The following TRIM36 variants were observed in gnomAD, a reference collection of about 807,000 sequenced individuals.
TRIM36 encodes the protein tripartite motif containing 36.
TRIM36 carries 42 observed loss-of-function variants against 72.4 expected under a neutral mutation model. That is an observed-to-expected ratio of 0.58 (90% confidence interval 0.45 to 0.75). The LOEUF (loss-of-function observed/expected upper bound fraction) is 0.75. Among genes scored for constraint, TRIM36 ranks in the 30% least tolerant of loss-of-function variants. The pLI is 0.00. For missense variants in TRIM36, 913 were observed against 857.1 expected (o/e 1.07, Z -0.81); for synonymous variants, 315 against 282.8 (o/e 1.11, Z -1.14).
chr5:115,170,765 G>A (rs1237571656), upstream of TRIM36, among the ~76,000 whole-genome samples: 1 of 152,206 alleles, frequency 6.6e-6, no homozygotes, highest in Non-Finnish European at 1.5e-5. Flanking sequence ...GCAAGGGAGA[G>A]ACCCCCCGCC....
intron 3 of TRIM36, among the ~76,000 whole-genome samples, chr5:115,146,519 T>C (rs946652939): frequency 4.6e-5 from 7 of 152,150 alleles, no homozygotes; most frequent in Admixed American, 1.3e-4. Context: ...TTGAGCAATA[T>C]TAAAGAAATT....
At chr5:115,154,346 C>T (rs534777641) in intron 2 of TRIM36, among the ~76,000 whole-genome samples, 140 of 150,596 alleles carry the variant, frequency 9.3e-4, no homozygotes, top group African/African-American at 3.2e-3. Flanking sequence ...CAGAGCAGAA[C>T]TAAATGAAAT....
At chr5:115,142,210 G>T (rs1283180704) in intron 4 of TRIM36, among the ~76,000 whole-genome samples, 1 of 152,152 alleles carries the variant, frequency 6.6e-6, no homozygotes, top group Middle Eastern at 3.4e-3. Context: ...GACTTGAAAC[G>T]AAAAGGGTGC....
chr5:115,151,581 A>G (rs1481682917), intron 2 of TRIM36, among the ~76,000 whole-genome samples: 3 of 152,226 alleles, frequency 2.0e-5, no homozygotes, highest in African/African-American at 7.2e-5. Context: ...ACCAGCACAA[A>G]AATAGTGCAT....
Position 115,134,123 on chromosome 5 carries a change from T to C in TRIM36, c.1235A>G (p.Glu412Gly). The change falls in exon 8 of 10, where the codon GAG becomes GGG. Residue 412 changes from glutamate to glycine, a missense_variant. By Grantham distance (98) the Glu-to-Gly change is moderately conservative. Transcript: ENST00000513154. Reference protein sequence around the residue: ...SSGIDVPEINEEQSKVYNNAL... With the variant: ...SSGIDVPEINGEQSKVYNNAL... ...ATTGTTATAAACTTTGCTCTGTTCCTCATTGATCTCTGGCACGTCTATGCC... is the reference window on the plus strand; with the variant it reads ...ATTGTTATAAACTTTGCTCTGTTCCCCATTGATCTCTGGCACGTCTATGCC... The C allele has an allele frequency of 6.3e-7, 1 of 1,599,834 alleles. No homozygotes were observed. Among genetic ancestry groups the C allele is most frequent in the South Asian group, 1.1e-5 (1 of 88,742 alleles).
Position 115,130,840 on chromosome 5 carries a change from G to A in TRIM36, c.1548C>T (p.Leu516=), listed in dbSNP as rs1752636343. Residue 516 remains leucine, a synonymous_variant, in exon 9 of 10, where the codon CTC becomes CTT. Transcript: ENST00000513154. ...CACGGTCTCTCTTCAAGTTCAGCAG[G>A]AGGTGTTCATTATTATAGCCACATT... The part of the protein sequence containing the change: ...DEKCGYNNEH[L]LLNLKRDRVE... 7 of 1,613,872 alleles carry A rather than the reference G, an allele frequency of 4.3e-6. No individual in the cohort carries two copies. Among genetic ancestry groups the A allele is most frequent in the Non-Finnish European group, 5.1e-6 (6 of 1,179,930 alleles).
chr5:115,129,500 G>A (rs1470118245), intron 9 of TRIM36, among the ~76,000 whole-genome samples: 1 of 152,176 alleles, frequency 6.6e-6, no homozygotes, highest in East Asian at 1.9e-4. Flanking sequence ...AGAGGTTGCG[G>A]TGAGCCAAGA....
Position 115,125,617 on chromosome 5 carries a change from T to C in TRIM36, c.*886A>G, listed in dbSNP as rs559407888. On this transcript the variant is annotated 3_prime_UTR_variant, in exon 10 of 10. Transcript: ENST00000513154. ...CAAAAATGAAAATCACAAAACACAGTAAGGGGGTAAAAGAATAAATATGAC... is the reference window on the plus strand; with the variant it reads ...CAAAAATGAAAATCACAAAACACAGCAAGGGGGTAAAAGAATAAATATGAC... 2.0e-5 allele frequency: 3 copies of C among 151,974 alleles called. No individual in the cohort carries two copies. Among genetic ancestry groups the C allele is most frequent in the Non-Finnish European group, 2.9e-5 (2 of 67,870 alleles). The allele number at this position is 151,974 out of a possible 1,614,324, so 9.4% of individuals were successfully genotyped here.
upstream of TRIM36, among the ~76,000 whole-genome samples, chr5:115,172,195 T>C (rs1033396598): frequency 1.3e-5 from 2 of 152,186 alleles, no homozygotes; most frequent in Admixed American, 6.5e-5. Flanking sequence ...TTTTGTGATA[T>C]CGTATGTTGG....
At chr5:115,159,221 C>G (rs1754346059) in intron 2 of TRIM36, among the ~76,000 whole-genome samples, 1 of 152,082 alleles carries the variant, frequency 6.6e-6, no homozygotes, top group Admixed American at 6.5e-5. Context: ...GCAAAGATAT[C>G]ATTAAATAGA....
intron 8 of TRIM36, among the ~76,000 whole-genome samples, chr5:115,131,725 T>C (rs886521568): frequency 6.6e-6 from 1 of 152,174 alleles, no homozygotes; most frequent in Non-Finnish European, 1.5e-5. Flanking sequence ...ACATGCTACA[T>C]GTATGGATAA....
chr5:115,174,917 T>G (rs575434190), intron 1 of TRIM36, among the ~76,000 whole-genome samples: 1 of 152,250 alleles, frequency 6.6e-6, no homozygotes, highest in South Asian at 2.1e-4. Flanking sequence ...TAATGATGAG[T>G]GTATTAGCTG....
Position 115,154,661 on chromosome 5 carries a change from T to C in TRIM36, c.263-7267A>G, listed in dbSNP as rs1754078733. On this transcript the variant is annotated intron_variant, in intron 2 of 9. Coordinates refer to ENST00000513154, the MANE Select transcript of TRIM36 (RefSeq NM_001300759.2). ...GAAGAATTAGATACTCTGAACAGAC[T>C]AGTAACAAGCACCAAGATTGAAATG... Among the ~76,000 whole-genome samples, 2 of 152,156 alleles carry C rather than the reference T, an allele frequency of 1.3e-5. 1 individual carries two copies. Among genetic ancestry groups the C allele is most frequent in the South Asian group, 4.1e-4 (2 of 4,838 alleles).
chr5:115,179,589 G>A (rs1755515917), intron 1 of TRIM36, among the ~76,000 whole-genome samples: 1 of 152,098 alleles, frequency 6.6e-6, no homozygotes, highest in South Asian at 2.1e-4. Flanking sequence ...GCCCAGGCAG[G>A]CGAGGTCACC....
intron 2 of TRIM36, chr5:115,149,247 C>T (rs944245688): frequency 6.6e-6 from 1 of 152,046 alleles, no homozygotes; most frequent in Non-Finnish European, 1.5e-5. Flanking sequence ...AGCAGCAAAG[C>T]TACTTTTAAA....
chr5:115,157,273 A>C (rs1427379099), intron 2 of TRIM36, among the ~76,000 whole-genome samples: 1 of 152,090 alleles, frequency 6.6e-6, no homozygotes, highest in Admixed American at 6.5e-5. Context: ...TAAAGAACTA[A>C]AAGTAGAGGC....
At chr5:115,145,327 C>T (rs1438396989) in intron 3 of TRIM36, among the ~76,000 whole-genome samples, 1 of 152,100 alleles carries the variant, frequency 6.6e-6, no homozygotes, top group African/African-American at 2.4e-5. Flanking sequence ...TTTTTATTTA[C>T]TTTGTAAACT....
chr5:115,177,255 TA>T, intron 1 of TRIM36: 1 of 154,646 alleles, frequency 6.5e-6, no homozygotes, highest in Non-Finnish European at 1.4e-5. Context: ...ATTAAGTTTG[TA>T]AAAATGTAAA....
intron 9 of TRIM36, among the ~76,000 whole-genome samples, chr5:115,127,087 G>A (rs1255548279): frequency 6.6e-6 from 1 of 152,204 alleles, no homozygotes; most frequent in Non-Finnish European, 1.5e-5. Flanking sequence ...ATATACAGAA[G>A]TGAAACCCTA....
Sources: gnomAD v4.1 joint callset for allele counts (sites outside exome capture counted in the v4.1 genomes callset) on GRCh38, gnomAD v4.1.1 for gene constraint, MANE v1.5 for transcripts, NCBI Gene and HGNC (gene_info 2026-07-23, HGNC 2026-07-21) for gene names.